Variants in TRIM66 observed in about 807,000 individuals in gnomAD.
The protein encoded by TRIM66 is tripartite motif-containing protein 66.
A neutral mutation model predicts 148.2 loss-of-function variants in TRIM66; 99 were observed. The ratio of observed to expected loss-of-function variants is 0.67; its 90% CI spans 0.57 to 0.79. The LOEUF (loss-of-function observed/expected upper bound fraction) is 0.79. Ranked by LOEUF, TRIM66 falls within the 30% of genes least tolerant of loss-of-function variation. TRIM66 has a pLI of 0.00. For missense variants in TRIM66, 1,666 were observed against 1,697.9 expected (o/e 0.98, Z 0.33); for synonymous variants, 616 against 635.9 (o/e 0.97, Z 0.47).
chr11:8,618,559 C>T (rs2033892743), intron 24 of TRIM66, among the ~76,000 whole-genome samples, 191 bp downstream of exon 24: 1 of 152,128 alleles, frequency 6.6e-6, no homozygotes, highest in Non-Finnish European at 1.5e-5. Context: ...TTTCAAGTCT[C>T]GTGAGTAACT....
At chr11:8,666,873 G>A (rs906792348) in intron 6 of TRIM66, among the ~76,000 whole-genome samples, 10 of 152,256 alleles carry the variant, frequency 6.6e-5, no homozygotes, top group South Asian at 2.1e-4. Context: ...GCAGTGGCGC[G>A]ATCTCAGCTC....
In TRIM66 at chr11:8,619,525, T is replaced by C; in HGVS notation, c.3758A>G (p.Tyr1253Cys). 6.5e-7 allele frequency: 1 copy of C among 1,543,002 alleles called. No individual in the cohort carries two copies. The highest frequency in any genetic ancestry group is 2.5e-5 in the East Asian group (1 of 40,736). ...HEPVSPLARH[Y>C]YQIIKRPMDL... ...CATGGGCCTCTTGATAATCTGGTAATAATGCCGGGCCTTGGGGGAGGAGAC... is the reference window on the plus strand; with the variant it reads ...CATGGGCCTCTTGATAATCTGGTAACAATGCCGGGCCTTGGGGGAGGAGAC... The change falls in exon 23 of 25, where the codon TAT (tyrosine) becomes TGT (cysteine). Residue 1253 changes from tyrosine to cysteine, a missense_variant. Coordinates refer to ENST00000646038, the MANE Select transcript of TRIM66 (RefSeq NM_001388022.1).
At chr11:8,623,011 T>C in intron 17 of TRIM66, 135 bp from the exon 18 acceptor site, 1 of 699,064 alleles carries the variant, frequency 1.4e-6, no homozygotes, top group Non-Finnish European at 2.4e-6. Flanking sequence ...TACACTATAG[T>C]CATTCATACA....
intron 15 of TRIM66, among the ~76,000 whole-genome samples, chr11:8,637,317 A>T (rs1466620591): frequency 4.1e-5 from 1 of 24,600 alleles, no homozygotes; most frequent in East Asian, 1.2e-3. Context: ...ATAATCATTT[A>T]ATGCATATAT....
chr11:8,649,562 G>C (rs1274439008), intron 8 of TRIM66, among the ~76,000 whole-genome samples, 178 bp downstream of exon 8: 3 of 152,162 alleles, frequency 2.0e-5, no homozygotes, highest in Admixed American at 6.5e-5. Flanking sequence ...CAACAGGGAG[G>C]GACGAGAGTG....
rs192822966 is a variant in TRIM66 at position 8,682,619 on chromosome 11, C to G, written c.-566G>C. The G allele has an allele frequency of 4.7e-4, 307 of 657,762 alleles. 1 individual carries two copies. The African/African-American group carries it at 5.0e-3, about 11-fold the overall frequency. The allele number at this position is 657,762 out of a possible 1,614,324, so 40.7% of individuals were successfully genotyped here. A position where few individuals can be genotyped will look rare whatever the true frequency, so the allele number is the denominator to read the frequency against. ...GCCTCACCGAAACCGTACACCGCCA[C>G]CAGGACACTCCGTGATGGGGGATCA... On this transcript the variant is annotated 5_prime_UTR_variant, in exon 1 of 25. Transcript: ENST00000646038.
chr11:8,681,425 G>A (rs778241365), intron 1 of TRIM66, among the ~76,000 whole-genome samples: 2 of 152,100 alleles, frequency 1.3e-5, no homozygotes, highest in Non-Finnish European at 2.9e-5. Flanking sequence ...AAGCCACCAC[G>A]CCCGGCCAGA....
At chr11:8,637,764 G>C (rs1489329669) in intron 15 of TRIM66, among the ~76,000 whole-genome samples, 1 of 152,094 alleles carries the variant, frequency 6.6e-6, no homozygotes, top group African/African-American at 2.4e-5. Context: ...TTCAAGTCCA[G>C]GGCTGGGTGG....
intron 1 of TRIM66, among the ~76,000 whole-genome samples, chr11:8,682,025 G>A (rs562901897): frequency 6.6e-6 from 1 of 152,192 alleles, no homozygotes; most frequent in Admixed American, 6.5e-5. Context: ...ACCTCCCAAA[G>A]TGTTGGGACT....
chr11:8,646,671 C>A (rs2133186604), intron 10 of TRIM66, 110 bp from the exon 11 acceptor site: 1 of 755,544 alleles, frequency 1.3e-6, no homozygotes, highest in Non-Finnish European at 2.2e-6. Flanking sequence ...GAGATCAGGG[C>A]CTAGCAGACA....
At chr11:8,672,938 T>A (rs1306785598) in intron 4 of TRIM66, among the ~76,000 whole-genome samples, 1 of 57,036 alleles carries the variant, frequency 1.8e-5, no homozygotes, top group Non-Finnish European at 3.2e-5. Context: ...GCCCATACTC[T>A]TTTTTTTTTT....
intron 6 of TRIM66, among the ~76,000 whole-genome samples, chr11:8,660,665 G>A (rs1465961537): frequency 2.0e-5 from 3 of 152,210 alleles, no homozygotes; most frequent in Non-Finnish European, 2.9e-5. Flanking sequence ...TAAAGCAACA[G>A]CTCCTTAAAT....
chr11:8,636,644 T>C (rs1225225828), intron 15 of TRIM66, among the ~76,000 whole-genome samples: 1 of 152,158 alleles, frequency 6.6e-6, no homozygotes, highest in Non-Finnish European at 1.5e-5. Flanking sequence ...CCAAAACTCC[T>C]GTGATCTGAT....
Position 8,640,999 on chromosome 11 carries a change from G to A in TRIM66, c.1376C>T (p.Ala459Val), listed in dbSNP as rs555514703. 1.8e-4 allele frequency: 285 copies of A among 1,551,542 alleles called. No homozygotes were observed. In the East Asian group the frequency reaches 5.4e-3, roughly 29 times the overall value. ...GCAGCACACAGATGAGGAGCACACT[G>A]CTGGAGACTGGAACTTGTGTGAGGG... The part of the protein sequence containing the change: ...SHPSHKFQSP[A>V]VCSSSVCCSH... The change falls in exon 14 of 25, where the codon GCA (alanine) becomes GTA (valine). Residue 459 changes from alanine to valine, a missense_variant. By Grantham distance (64) the Ala-to-Val change is moderately conservative. Coordinates refer to ENST00000646038, the MANE Select transcript of TRIM66 (RefSeq NM_001388022.1).
chr11:8,655,529 T>A (rs1489206225), intron 6 of TRIM66, among the ~76,000 whole-genome samples: 1 of 152,030 alleles, frequency 6.6e-6, no homozygotes. Context: ...ATGCCTGTAA[T>A]CCCAACATTT....
In TRIM66 at chr11:8,643,601, C is replaced by A. The variant is rs551100012; in HGVS notation, c.1105-475G>T. On this transcript the variant is annotated intron_variant, in intron 12 of 24. Coordinates refer to ENST00000646038, the MANE Select transcript of TRIM66 (RefSeq NM_001388022.1). The stretch of plus-strand genomic sequence containing the variant: ...TCGTGATCTGCCCACCTCGGCCTCC[C>A]AAAGTGCTGGAATTACAGGCGTGAG... Among the ~76,000 whole-genome samples, 107 of 152,256 alleles carry A rather than the reference C, an allele frequency of 7.0e-4. 1 individual carries two copies. Among genetic ancestry groups the A allele is most frequent in the Non-Finnish European group, 1.2e-3 (79 of 68,020 alleles).
intron 6 of TRIM66, among the ~76,000 whole-genome samples, chr11:8,657,125 C>T (rs975886143): frequency 5.3e-5 from 8 of 152,194 alleles, no homozygotes; most frequent in African/African-American, 1.7e-4. Flanking sequence ...CAAGGCAACA[C>T]GGACACCAGA....
chr11:8,672,357 G>A lies in TRIM66; in HGVS notation c.-83C>T. The A allele has an allele frequency of 6.5e-7, 1 of 1,526,892 alleles. No homozygotes were observed. The highest frequency in any genetic ancestry group is 1.7e-4 in the Middle Eastern group (1 of 5,950). 94.6% of individuals were successfully genotyped at this position (1,526,892 alleles called of 1,614,324 possible). A position where few individuals can be genotyped will look rare whatever the true frequency, so the allele number is the denominator to read the frequency against. ...CCCTTCAAAAGTGTCCCGTACCTGT[G>A]CCTCTCCTTATTGGTAGACAAGCTT... On this transcript the variant is annotated 5_prime_UTR_variant, in exon 5 of 25. Coordinates refer to ENST00000646038, the MANE Select transcript of TRIM66 (RefSeq NM_001388022.1).
intron 21 of TRIM66, 141 bp from the exon 22 acceptor site, chr11:8,620,265 G>T: frequency 7.5e-7 from 1 of 1,324,808 alleles, no homozygotes; most frequent in Non-Finnish European, 1.0e-6. Flanking sequence ...AGGTTCCCAA[G>T]CCAGAGGAAA....
Sources: gnomAD v4.1 joint callset for allele counts (sites outside exome capture counted in the v4.1 genomes callset) on GRCh38, gnomAD v4.1.1 for gene constraint, MANE v1.5 for transcripts, NCBI Gene and HGNC (gene_info 2026-07-23, HGNC 2026-07-21) for gene names.